Variants in SGMS1 observed in about 807,000 individuals in gnomAD.
SGMS1 encodes the protein phosphatidylcholine:ceramide cholinephosphotransferase 1.
A neutral mutation model predicts 46.2 loss-of-function variants in SGMS1; 13 were observed. The observed-to-expected ratio is 0.28, with a 90% CI of 0.18 to 0.45. The LOEUF (loss-of-function observed/expected upper bound fraction) is 0.45. SGMS1 is among the 20% of genes least tolerant of loss of function. The probability of loss-of-function intolerance (pLI) is 1.00; values close to 1 mark genes in which losing one functional copy is unlikely to be tolerated. For missense variants in SGMS1, 324 were observed against 519.9 expected, an observed-to-expected ratio of 0.62 and a Z score of 3.66; for synonymous variants, 203 against 187.8, an observed-to-expected ratio of 1.08 and a Z score of -0.66.
intron 2 of SGMS1, among the ~76,000 whole-genome samples, chr10:50,528,749 C>T (rs1247362004): frequency 6.6e-6 from 1 of 152,090 alleles, no homozygotes; most frequent in Non-Finnish European, 1.5e-5. Context: ...AAAAATAAAA[C>T]CTAGTCAGGC....
chr10:50,364,929 G>C (rs1848309491), intron 6 of SGMS1, among the ~76,000 whole-genome samples: 1 of 151,928 alleles, frequency 6.6e-6, no homozygotes, highest in South Asian at 2.1e-4. Context: ...ACTTTGGAAG[G>C]CTGACTGGGG....
intron 6 of SGMS1, among the ~76,000 whole-genome samples, chr10:50,378,968 T>C (rs1313885908): frequency 6.6e-6 from 1 of 152,014 alleles, no homozygotes; most frequent in African/African-American, 2.4e-5. Context: ...CCTGATAGTG[T>C]AGGGGAAAAA....
chr10:50,372,884 CCT>C (rs1306458342), intron 6 of SGMS1, among the ~76,000 whole-genome samples: 1 of 151,888 alleles, frequency 6.6e-6, no homozygotes, highest in Non-Finnish European at 1.5e-5. Context: ...CAGAGAGGTT[CCT>C]AATTTTTTTA....
intron 1 of SGMS1, among the ~76,000 whole-genome samples, chr10:50,623,099 G>A (rs1008023532): frequency 2.6e-5 from 4 of 152,032 alleles, no homozygotes; most frequent in Admixed American, 1.3e-4. Context: ...TACGCGGCCT[G>A]GAGAGAAGGG....
chr10:50,368,813 C>T (rs536758425), intron 6 of SGMS1, among the ~76,000 whole-genome samples: 24 of 152,262 alleles, frequency 1.6e-4, no homozygotes, highest in Middle Eastern at 3.4e-3. Flanking sequence ...CATTATAAAA[C>T]AATTTGTAAA....
chr10:50,323,383 C>T (rs2133304957), intron 8 of SGMS1, among the ~76,000 whole-genome samples: 1 of 152,246 alleles, frequency 6.6e-6, no homozygotes, highest in South Asian at 2.1e-4. Context: ...CTCAACTCTC[C>T]TCCCTTACAG....
At chr10:50,609,783 GT>G (rs1192445919) in intron 1 of SGMS1, among the ~76,000 whole-genome samples, 2 of 152,118 alleles carry the variant, frequency 1.3e-5, no homozygotes, top group Non-Finnish European at 2.9e-5. Flanking sequence ...GGGTCAAAGA[GT>G]GTGTGAGCAT....
intron 7 of SGMS1, chr10:50,328,155 T>G: frequency 3.5e-6 from 1 of 281,874 alleles, no homozygotes; most frequent in Non-Finnish European, 6.9e-6. Flanking sequence ...TTGAGTTAGA[T>G]AACGTCTCCT....
chr10:50,372,452 T>C (rs1848452213), intron 6 of SGMS1, among the ~76,000 whole-genome samples: 1 of 152,162 alleles, frequency 6.6e-6, no homozygotes, highest in Non-Finnish European at 1.5e-5. Context: ...CCCAGCACTT[T>C]GGGAGGCCGG....
intron 6 of SGMS1, among the ~76,000 whole-genome samples, chr10:50,357,742 G>T (rs755564483): frequency 2.0e-5 from 3 of 152,066 alleles, no homozygotes; most frequent in African/African-American, 4.8e-5. Flanking sequence ...TTTCCTTGAC[G>T]ATTCGATGGA....
At chr10:50,401,298 C>A (rs1848936915) in intron 6 of SGMS1, among the ~76,000 whole-genome samples, 1 of 152,154 alleles carries the variant, frequency 6.6e-6, no homozygotes, top group Admixed American at 6.5e-5. Flanking sequence ...ATACTAGAAA[C>A]TCTTTCTTTA....
chr10:50,525,709 C>T (rs2133795417), intron 2 of SGMS1, among the ~76,000 whole-genome samples: 1 of 152,316 alleles, frequency 6.6e-6, no homozygotes, highest in East Asian at 1.9e-4. Flanking sequence ...AAGGGAGACT[C>T]TACCACTTAC....
chr10:50,560,347 AAT>A (rs914500694), intron 2 of SGMS1, among the ~76,000 whole-genome samples: 12 of 137,976 alleles, frequency 8.7e-5, no homozygotes, highest in Admixed American at 2.3e-4. Flanking sequence ...TATTATTAAT[AAT>A]ATATATTATA....
chr10:50,443,976 G>A (rs896381656), intron 5 of SGMS1, among the ~76,000 whole-genome samples: 2 of 151,982 alleles, frequency 1.3e-5, no homozygotes, highest in African/African-American at 4.8e-5. Flanking sequence ...ATTGTGATCT[G>A]CAGAGTAACT....
intron 1 of SGMS1, among the ~76,000 whole-genome samples, chr10:50,615,276 G>C (rs953769408): frequency 2.6e-5 from 4 of 152,174 alleles, no homozygotes; most frequent in African/African-American, 9.7e-5. Flanking sequence ...TCCAATTCTG[G>C]GGCATAAAGC....
At chr10:50,381,271 A>G (rs1379164559) in intron 6 of SGMS1, among the ~76,000 whole-genome samples, 1 of 150,060 alleles carries the variant, frequency 6.7e-6, no homozygotes, top group Non-Finnish European at 1.5e-5. Context: ...TTCTAAAAGA[A>G]AAAAAAAAAG....
chr10:50,599,221 CA>C (rs942548314), intron 1 of SGMS1, among the ~76,000 whole-genome samples: 7 of 148,586 alleles, frequency 4.7e-5, no homozygotes, highest in Non-Finnish European at 9.1e-5. Context: ...AAAACAGTAA[CA>C]AAAAAACAGT....
chr10:50,615,643 C>A (rs538075698), intron 1 of SGMS1, among the ~76,000 whole-genome samples: 22 of 152,334 alleles, frequency 1.4e-4, no homozygotes, highest in African/African-American at 5.1e-4. Flanking sequence ...AATCCCACAG[C>A]ACTGATTTTG....
chr10:50,506,509 G>A (rs1837708182), intron 3 of SGMS1, among the ~76,000 whole-genome samples: 2 of 151,930 alleles, frequency 1.3e-5, no homozygotes, highest in African/African-American at 4.8e-5. Context: ...TCCATACATA[G>A]ATAATGAAGT....
Sources: allele counts gnomAD v4.1 joint callset (sites outside exome capture counted in the v4.1 genomes callset), GRCh38; gene constraint gnomAD v4.1.1; transcripts MANE v1.5; gene names NCBI Gene and HGNC (gene_info 2026-07-23, HGNC 2026-07-21).